CD200R1L: variants seen among roughly 807,000 people sequenced by gnomAD.
CD200R1L encodes cell surface glycoprotein CD200 receptor 2.
CD200R1L carries 14 observed loss-of-function variants against 24.8 expected under a neutral mutation model. That is an observed-to-expected ratio of 0.56 (90% CI 0.37 to 0.88). The LOEUF (loss-of-function observed/expected upper bound fraction) is 0.88. Ranked by LOEUF, CD200R1L falls within the 40% of genes least tolerant of loss-of-function variation. The pLI is 0.00. For synonymous variants in CD200R1L, 111 were observed against 109.2 expected (o/e 1.02, Z -0.11); for missense variants, 299 against 297.8 (o/e 1.00, Z -0.03).
intron 3 of CD200R1L, among the ~76,000 whole-genome samples, chr3:112,835,684 T>C (rs1291905073): frequency 6.6e-6 from 1 of 152,220 alleles, no homozygotes; most frequent in Non-Finnish European, 1.5e-5. Flanking sequence ...GTCCATGCTG[T>C]TCATGCCGAG....
chr3:112,846,410 C>T (rs1315796613), intron 1 of CD200R1L, among the ~76,000 whole-genome samples: 3 of 152,208 alleles, frequency 2.0e-5, no homozygotes, highest in Non-Finnish European at 2.9e-5. Flanking sequence ...TACATTATCC[C>T]AGTTTGGGGC....
chr3:112,831,457 C>T (rs780251246), intron 3 of CD200R1L, among the ~76,000 whole-genome samples: 1 of 152,140 alleles, frequency 6.6e-6, no homozygotes, highest in Non-Finnish European at 1.5e-5. Context: ...AGCTTGGTGC[C>T]TCTTATAGGT....
At chr3:112,835,938 C>G (rs1361470849) in intron 3 of CD200R1L, among the ~76,000 whole-genome samples, 1 of 152,210 alleles carries the variant, frequency 6.6e-6, no homozygotes, top group African/African-American at 2.4e-5. Context: ...ATGCACAGCT[C>G]TGGCTGCACC....
chr3:112,842,973 T>C (rs886760110), intron 2 of CD200R1L, among the ~76,000 whole-genome samples: 2 of 152,196 alleles, frequency 1.3e-5, no homozygotes, highest in African/African-American at 4.8e-5. Flanking sequence ...TTATCAGTAG[T>C]TCTGCTTTTG....
chr3:112,834,546 CT>C (rs1308310411), intron 3 of CD200R1L, among the ~76,000 whole-genome samples: 2 of 152,182 alleles, frequency 1.3e-5, no homozygotes, highest in Non-Finnish European at 2.9e-5. Context: ...TAATTTAAGC[CT>C]GATCATCATG....
intron 6 of CD200R1L, among the ~76,000 whole-genome samples, chr3:112,823,327 C>T (rs1938583881): frequency 6.6e-6 from 1 of 152,286 alleles, no homozygotes; most frequent in Admixed American, 6.5e-5. Context: ...ATTATTAAAC[C>T]TGACAAGGGA....
At chr3:112,838,037 G>A in intron 2 of CD200R1L, 27 bp from the exon 3 acceptor site, 2 of 1,086,468 alleles carry the variant, frequency 1.8e-6, no homozygotes, top group Non-Finnish European at 2.4e-6. Context: ...GAAGAAATAT[G>A]GAGAAAATTA....
chr3:112,830,665 G>A (rs1938775416), intron 3 of CD200R1L, among the ~76,000 whole-genome samples: 1 of 152,000 alleles, frequency 6.6e-6, no homozygotes, highest in African/African-American at 2.4e-5. Flanking sequence ...TAAAGACAGT[G>A]AAGTGCTAAC....
intron 4 of CD200R1L, among the ~76,000 whole-genome samples, chr3:112,828,963 G>A (rs1032364242): frequency 1.3e-5 from 2 of 152,158 alleles, no homozygotes; most frequent in African/African-American, 4.8e-5. Context: ...CTCCTCTCCT[G>A]TTTTGGTGTC....
chr3:112,842,721 C>T (rs377261449), intron 2 of CD200R1L, among the ~76,000 whole-genome samples: 83 of 152,138 alleles, frequency 5.5e-4, no homozygotes, highest in African/African-American at 1.8e-3. Context: ...GGTCTATAAA[C>T]GGCTGCTCCG....
At chr3:112,825,766 AAAAG>A (rs1223135157) in intron 6 of CD200R1L, among the ~76,000 whole-genome samples, 1 of 152,224 alleles carries the variant, frequency 6.6e-6, no homozygotes, top group African/African-American at 2.4e-5. Flanking sequence ...AAAACTAAAC[AAAAG>A]AGAGAGGAGA....
chr3:112,835,021 C>T (rs1175467630), intron 3 of CD200R1L, among the ~76,000 whole-genome samples: 5 of 152,218 alleles, frequency 3.3e-5, no homozygotes, highest in Non-Finnish European at 7.3e-5. Context: ...CTCTTCTCTC[C>T]TTCTCTCTTC....
At chr3:112,816,537 A>G (rs994719531) in intron 7 of CD200R1L, among the ~76,000 whole-genome samples, 3 of 152,198 alleles carry the variant, frequency 2.0e-5, no homozygotes, top group African/African-American at 7.2e-5. Context: ...GAAAAATTAC[A>G]TGGATAGACG....
chr3:112,844,156 A>C (rs913714975), intron 2 of CD200R1L, among the ~76,000 whole-genome samples: 1 of 152,240 alleles, frequency 6.6e-6, no homozygotes, highest in Non-Finnish European at 1.5e-5. Flanking sequence ...AAAACTAAGA[A>C]AGGAATTCTG....
chr3:112,829,753 G>C (rs757046546), intron 3 of CD200R1L, among the ~76,000 whole-genome samples: 2 of 152,162 alleles, frequency 1.3e-5, no homozygotes, highest in Non-Finnish European at 1.5e-5. Context: ...CCAAATGCTG[G>C]AGACAGCATC....
chr3:112,816,487 A>T (rs1478463705), intron 7 of CD200R1L, among the ~76,000 whole-genome samples: 1 of 152,210 alleles, frequency 6.6e-6, no homozygotes, highest in Non-Finnish European at 1.5e-5. Flanking sequence ...AGGATGGATA[A>T]ATATGTACTC....
intron 2 of CD200R1L, among the ~76,000 whole-genome samples, chr3:112,845,030 T>C (rs1209013941): frequency 6.6e-6 from 1 of 151,732 alleles, no homozygotes; most frequent in African/African-American, 2.4e-5. Context: ...AATAAATCAC[T>C]AAAATCAGAG....
chr3:112,837,832 G>T (rs1576096829), intron 3 of CD200R1L, 110 bp downstream of exon 3: 1 of 275,392 alleles, frequency 3.6e-6, no homozygotes, highest in East Asian at 1.5e-4. Flanking sequence ...GCAATAGTGT[G>T]CAGAGAGGTA....
chr3:112,837,706 G>T (rs535176734), intron 3 of CD200R1L, among the ~76,000 whole-genome samples: 2 of 146,412 alleles, frequency 1.4e-5, no homozygotes, highest in African/African-American at 5.6e-5. Flanking sequence ...ACTACTTGAA[G>T]GTGCTGTAAG....
Sources: gnomAD v4.1 joint callset for allele counts (sites outside exome capture counted in the v4.1 genomes callset) on GRCh38, gnomAD v4.1.1 for gene constraint, MANE v1.5 for transcripts, NCBI Gene and HGNC (gene_info 2026-07-23, HGNC 2026-07-21) for gene names.